The following PRDM16 variants were observed in gnomAD, a reference collection of about 807,000 sequenced individuals.
PRDM16 encodes the protein histone-lysine N-methyltransferase PRDM16.
A neutral mutation model predicts 110.6 loss-of-function variants in PRDM16; 23 were observed. The observed-to-expected ratio is 0.21, with a 90% CI of 0.15 to 0.29. The LOEUF (loss-of-function observed/expected upper bound fraction) is 0.29, where lower values mean the gene tolerates loss of function less well. Among genes scored for constraint, PRDM16 ranks in the 10% least tolerant of loss-of-function variants. The probability of loss-of-function intolerance (pLI) is 1.00; values close to 1 mark genes in which losing one functional copy is unlikely to be tolerated. For synonymous variants in PRDM16, 799 were observed against 781.8 expected (o/e 1.02, Z -0.37); for missense variants, 1,615 against 1,794.3 (o/e 0.90, Z 1.81).
intron 8 of PRDM16, among the ~76,000 whole-genome samples, chr1:3,409,826 TGTGTGTGG>T (rs1420156651): frequency 2.2e-5 from 3 of 136,974 alleles, no homozygotes; most frequent in Middle Eastern, 4.0e-3. Flanking sequence ...TGTGTGTGGT[TGTGTGTGG>T]GTGTGTGGTG....
intron 2 of PRDM16, chr1:3,207,577 C>A (rs1425140429): frequency 6.6e-6 from 1 of 152,316 alleles, no homozygotes; most frequent in South Asian, 2.1e-4. Flanking sequence ...TCACCTGAGA[C>A]ACCCGTACTT....
At chr1:3,389,289 G>C (rs1054460971) in intron 4 of PRDM16, among the ~76,000 whole-genome samples, 1 of 152,194 alleles carries the variant, frequency 6.6e-6, no homozygotes, top group Non-Finnish European at 1.5e-5. Flanking sequence ...AGGCAGGACC[G>C]GCTAAGCTGA....
At chr1:3,402,559 T>TG (rs888515383) in intron 5 of PRDM16, among the ~76,000 whole-genome samples, 58 of 152,186 alleles carry the variant, frequency 3.8e-4, no homozygotes, top group Admixed American at 1.0e-3. Flanking sequence ...AGGCACAGAT[T>TG]GGGGGGTCCT....
At chr1:3,274,909 G>A (rs1478947967) in intron 3 of PRDM16, among the ~76,000 whole-genome samples, 2 of 152,242 alleles carry the variant, frequency 1.3e-5, no homozygotes, top group Non-Finnish European at 2.9e-5. Flanking sequence ...CATGGCACCT[G>A]CTCAAGGCGT....
chr1:3,430,953 C>G lies in PRDM16; in HGVS notation c.3366C>G (p.Asp1122Glu), dbSNP rs370195954. 6 of 1,613,338 alleles carry G rather than the reference C, an allele frequency of 3.7e-6. No individual in the cohort carries two copies. The highest frequency in any genetic ancestry group is 1.3e-5 in the African/African-American group (1 of 74,910). The change falls in exon 15 of 17, where the codon GAC (aspartate) becomes GAG (glutamate). Residue 1122 changes from aspartate to glutamate, a missense_variant. By Grantham distance (45) the Asp-to-Glu change is conservative. This residue lies in a region of PRDM16 where 327 missense variants were observed against 359.3 expected (regional missense o/e 0.91). Coordinates refer to ENST00000270722, the MANE Select transcript of PRDM16 (RefSeq NM_022114.4). The stretch of plus-strand genomic sequence containing the variant: ...AGCAGGAGGACGTGGAGGAGGAGGA[C>G]GACGATGACCTGGAGGAGGACGATG... Reference protein sequence around the residue: ...SEKQEDVEEEDDDDLEEDDED... With the variant: ...SEKQEDVEEEEDDDLEEDDED...
chr1:3,377,534 GGTTGATTTAT>G (rs1239352478), intron 3 of PRDM16, among the ~76,000 whole-genome samples: 11 of 152,184 alleles, frequency 7.2e-5, no homozygotes, highest in African/African-American at 2.7e-4. Flanking sequence ...TTTCTGATGG[GGTTGATTTAT>G]GAGCTGGGGG....
At chr1:3,276,873 C>T (rs956955038) in intron 3 of PRDM16, among the ~76,000 whole-genome samples, 15 of 152,188 alleles carry the variant, frequency 9.9e-5, no homozygotes, top group Non-Finnish European at 1.8e-4. Context: ...GAGAGCGAGC[C>T]CTAAAGGGGG....
At chr1:3,320,329 C>CGTGT (rs1002062234) in intron 3 of PRDM16, among the ~76,000 whole-genome samples, 1 of 151,944 alleles carries the variant, frequency 6.6e-6, no homozygotes, top group Non-Finnish European at 1.5e-5. Flanking sequence ...TGTGTGTGTG[C>CGTGT]GTGTGTGTGT....
At chr1:3,078,837 A>G (rs1055390119) in intron 1 of PRDM16, among the ~76,000 whole-genome samples, 2 of 152,236 alleles carry the variant, frequency 1.3e-5, no homozygotes, top group African/African-American at 4.8e-5. Flanking sequence ...ATGGATTTCC[A>G]TAATAGACTT....
rs376545829 is a variant in PRDM16, at chr1:3,425,928, G to A, written c.3110-123G>A. 2.6e-5 allele frequency: 33 copies of A among 1,277,912 alleles called. No homozygotes were observed. Among genetic ancestry groups the A allele is most frequent in the Middle Eastern group, 2.7e-4 (1 of 3,662 alleles). The allele number at this position is 1,277,912 out of a possible 1,614,324, so 79.2% of individuals were successfully genotyped here. ...CATTAAAGAGAACCTCGTGCTCTCCGGTGTCCCTAAGAAACCTGCCTCCCT... is the reference window on the plus strand; with the variant it reads ...CATTAAAGAGAACCTCGTGCTCTCCAGTGTCCCTAAGAAACCTGCCTCCCT... On this transcript the variant is annotated intron_variant, in intron 13 of 16. Transcript: ENST00000270722. This position sits in a 1 kb window ranked among gnomAD's most constrained non-coding sequence, Gnocchi z 6.9.
intron 1 of PRDM16, among the ~76,000 whole-genome samples, chr1:3,115,326 C>T (rs957658323): frequency 1.3e-5 from 2 of 152,222 alleles, no homozygotes; most frequent in East Asian, 1.9e-4. Context: ...GCCCCATCAG[C>T]GCCCGTCAGA....
chr1:3,193,102 C>T (rs537854406), intron 2 of PRDM16, among the ~76,000 whole-genome samples: 4 of 151,784 alleles, frequency 2.6e-5, no homozygotes, highest in South Asian at 2.1e-4. Flanking sequence ...GGCCAGACGG[C>T]GAGTACCCAG....
chr1:3,363,036 G>T (rs1360987160), intron 3 of PRDM16, among the ~76,000 whole-genome samples: 1 of 152,208 alleles, frequency 6.6e-6, no homozygotes, highest in Non-Finnish European at 1.5e-5. Flanking sequence ...CAGAGAGAAG[G>T]ACCCTGGCAT....
chr1:3,365,109 G>A (rs1484712337), intron 3 of PRDM16, among the ~76,000 whole-genome samples: 1 of 152,232 alleles, frequency 6.6e-6, no homozygotes, highest in Non-Finnish European at 1.5e-5. Context: ...CCTGGAGCTG[G>A]CACTGTGGGT....
chr1:3,149,160 G>A (rs1643731531), intron 1 of PRDM16, among the ~76,000 whole-genome samples: 1 of 152,216 alleles, frequency 6.6e-6, no homozygotes, highest in South Asian at 2.1e-4. Flanking sequence ...CTGGGGGTGG[G>A]GGGCATGGAG....
rs530433646 is a variant in PRDM16, at chr1:3,194,807, T to C, written c.387+8333T>C. Among the ~76,000 whole-genome samples the C allele has an allele frequency of 2.0e-5, 3 of 152,240 alleles. No homozygotes were observed. The East Asian group carries it at 5.8e-4, about 29-fold the overall frequency. On this transcript the variant is annotated intron_variant, in intron 2 of 16. Transcript: ENST00000270722. The stretch of plus-strand genomic sequence containing the variant: ...TTTATCATCTAAACGCCAAAACTCG[T>C]TCCTGGCCTGCCCTTTCTCTCCAAG...
chr1:3,270,678 AGAGGAGGACAGTCGGGGAGGACAGTCCCG>A (rs151010918), intron 3 of PRDM16, among the ~76,000 whole-genome samples: 7 of 116,314 alleles, frequency 6.0e-5, no homozygotes, highest in Non-Finnish European at 9.8e-5. Flanking sequence ...GGACAGTCCC[AGAGGAGGACAGTCGGGGAGGACAGTCCCG>A]GAGGAGGACA....
chr1:3,188,616 G>A (rs113675097), intron 2 of PRDM16, among the ~76,000 whole-genome samples: 7 of 152,218 alleles, frequency 4.6e-5, no homozygotes, highest in Non-Finnish European at 7.3e-5. Flanking sequence ...TCCCCCCGAC[G>A]CCCTCAAACG....
intron 3 of PRDM16, among the ~76,000 whole-genome samples, chr1:3,318,627 CTAATT>C: frequency 6.6e-6 from 1 of 152,168 alleles, no homozygotes; most frequent in Non-Finnish European, 1.5e-5. Context: ...ATCTATCTGT[CTAATT>C]TATTTTCCAA....
Sources: gnomAD v4.1 joint callset for allele counts (sites outside exome capture counted in the v4.1 genomes callset) on GRCh38, gnomAD v4.1.1 for gene constraint, gnomAD v4.1.1 regional missense constraint, Gnocchi (gnomAD v3.1) non-coding constraint, MANE v1.5 for transcripts, NCBI Gene and HGNC (gene_info 2026-07-23, HGNC 2026-07-21) for gene names.